Variants in BRD10 observed in about 807,000 individuals in gnomAD.
BRD10 encodes the protein bromodomain containing 10, also known as uncharacterized bromodomain-containing protein 10.
the BRD10 span, among the ~76,000 whole-genome samples, chr9:5,953,711 CAT>C: frequency 6.6e-6 from 1 of 151,386 alleles, no homozygotes; most frequent in Non-Finnish European, 1.5e-5. Context: ...CACACACACA[CAT>C]ATACTATATA....
At chr9:5,919,745 G>C in the BRD10 span, 9 of 1,613,232 alleles carry the variant, frequency 5.6e-6, no homozygotes, top group African/African-American at 1.1e-4. Context: ...GAAGACAGAC[G>C]CAGGACTTCG....
the BRD10 span, chr9:5,919,820 T>C: frequency 2.0e-5 from 32 of 1,613,690 alleles, no homozygotes; most frequent in African/African-American, 4.0e-4. Context: ...TGCTGGAGTA[T>C]TTATGGTATT....
the BRD10 span, chr9:5,921,806 A>G: frequency 6.8e-6 from 11 of 1,613,884 alleles, no homozygotes; most frequent in African/African-American, 1.3e-5. Flanking sequence ...AGAGGACTTC[A>G]AGGGAGAAGA....
At chr9:5,988,277 C>T in the BRD10 span, 4 of 1,154,414 alleles carry the variant, frequency 3.5e-6, no homozygotes, top group Non-Finnish European at 2.6e-6. Flanking sequence ...TAAAATGGGC[C>T]CAGAAATCTG....
the BRD10 span, chr9:6,008,012 G>C: frequency 2.4e-6 from 3 of 1,238,228 alleles, no homozygotes; most frequent in South Asian, 3.1e-5. Flanking sequence ...GAGAAGAGGA[G>C]AGCCTAGGTG....
the BRD10 span, among the ~76,000 whole-genome samples, chr9:5,942,949 C>A: frequency 0.014 from 2,119 of 152,308 alleles, 46 homozygotes; most frequent in African/African-American, 0.043. Context: ...ATGATCACAG[C>A]TCACTGCAGC....
At chr9:5,967,975 G>T in the BRD10 span, 3 of 1,239,492 alleles carry the variant, frequency 2.4e-6, no homozygotes, top group South Asian at 1.5e-5. Flanking sequence ...AAAACAATTT[G>T]AATTATACTT....
the BRD10 span, chr9:5,922,439 G>C: frequency 1.2e-6 from 2 of 1,614,012 alleles, no homozygotes; most frequent in Non-Finnish European, 1.7e-6. Context: ...AGGCGACAAA[G>C]GCTGTGGTCT....
At chr9:5,975,455 A>C in the BRD10 span, among the ~76,000 whole-genome samples, 1 of 151,392 alleles carries the variant, frequency 6.6e-6, no homozygotes, top group African/African-American at 2.4e-5. Context: ...AAAAAAAAAA[A>C]AAAAAAAAAA....
the BRD10 span, among the ~76,000 whole-genome samples, chr9:5,943,387 A>G: frequency 6.6e-6 from 1 of 152,198 alleles, no homozygotes; most frequent in East Asian, 1.9e-4. Flanking sequence ...TAACTGTAGC[A>G]TAAAAAATTG....
the BRD10 span, chr9:5,922,278 T>C: frequency 1.6e-5 from 26 of 1,613,836 alleles, no homozygotes; most frequent in African/African-American, 4.0e-5. Context: ...TTTAGTGTTG[T>C]TGTTGATGAC....
chr9:5,969,234 G>A, the BRD10 span: 2 of 1,613,890 alleles, frequency 1.2e-6, no homozygotes, highest in South Asian at 1.1e-5. Flanking sequence ...TGAGGCATCA[G>A]AAGACAACGT....
At chr9:5,931,301 G>A in the BRD10 span, among the ~76,000 whole-genome samples, 1 of 152,124 alleles carries the variant, frequency 6.6e-6, no homozygotes, top group South Asian at 2.1e-4. Context: ...GGGGAGACTG[G>A]GTAGCTGGGA....
At chr9:5,967,526 T>C in the BRD10 span, among the ~76,000 whole-genome samples, 4 of 152,090 alleles carry the variant, frequency 2.6e-5, no homozygotes, top group Non-Finnish European at 4.4e-5. Flanking sequence ...TATAAAAATA[T>C]ATACTGAAAA....
At chr9:6,000,434 C>T in the BRD10 span, among the ~76,000 whole-genome samples, 1 of 152,110 alleles carries the variant, frequency 6.6e-6, no homozygotes, top group Admixed American at 6.6e-5. Context: ...GCCTAAAGAT[C>T]ATCTGAAAGC....
the BRD10 span, among the ~76,000 whole-genome samples, chr9:5,998,991 T>A: frequency 6.6e-6 from 1 of 152,154 alleles, no homozygotes; most frequent in East Asian, 1.9e-4. Context: ...AGGATTATGT[T>A]CTTATAAGTA....
the BRD10 span, among the ~76,000 whole-genome samples, chr9:6,001,217 T>C: frequency 6.6e-6 from 1 of 152,222 alleles, no homozygotes. Flanking sequence ...TATCTCTTGA[T>C]GGAATTAACT....
At chr9:5,904,243 T>G in the BRD10 span, among the ~76,000 whole-genome samples, 1 of 144,982 alleles carries the variant, frequency 6.9e-6, no homozygotes, top group Non-Finnish European at 1.5e-5. Flanking sequence ...TGGGTCTTGT[T>G]TGTTGATCCA....
chr9:5,970,093 T>C, the BRD10 span, among the ~76,000 whole-genome samples: 1 of 152,236 alleles, frequency 6.6e-6, no homozygotes, highest in African/African-American at 2.4e-5. Context: ...AAGATATTTA[T>C]ATCCTCTGAC....
Sources: allele counts gnomAD v4.1 joint callset (sites outside exome capture counted in the v4.1 genomes callset), GRCh38; gene constraint gnomAD v4.1.1; transcripts MANE v1.5; gene names NCBI Gene and HGNC (gene_info 2026-07-23, HGNC 2026-07-21).